The following ADAMTS19 variants were observed in gnomAD, a reference collection of about 807,000 sequenced individuals.
The protein encoded by ADAMTS19 is A disintegrin and metalloproteinase with thrombospondin motifs 19.
A neutral mutation model predicts 153.3 loss-of-function variants in ADAMTS19; 93 were observed. That is an observed-to-expected ratio of 0.61 (90% confidence interval 0.51 to 0.72). The LOEUF (loss-of-function observed/expected upper bound fraction) is 0.72. Among genes scored for constraint, ADAMTS19 ranks in the 30% least tolerant of loss-of-function variants. The pLI is 0.00. For synonymous variants in ADAMTS19, 600 were observed against 556.6 expected (o/e 1.08, Z -1.10); for missense variants, 1,482 against 1,552.1 (o/e 0.95, Z 0.76).
intron 2 of ADAMTS19, among the ~76,000 whole-genome samples, chr5:129,475,919 A>G (rs951510999): frequency 4.6e-5 from 7 of 152,226 alleles, no homozygotes; most frequent in Non-Finnish European, 1.0e-4. Context: ...CTTCAAAGAA[A>G]CTTCCTGGAC....
At chr5:129,530,395 C>G (rs1752157612) in intron 6 of ADAMTS19, among the ~76,000 whole-genome samples, 1 of 152,012 alleles carries the variant, frequency 6.6e-6, no homozygotes, top group African/African-American at 2.4e-5. Flanking sequence ...AAATATGGAC[C>G]TAGGCACATC....
At chr5:129,717,566 G>A in intron 21 of ADAMTS19, among the ~76,000 whole-genome samples, 1 of 152,088 alleles carries the variant, frequency 6.6e-6, no homozygotes, top group East Asian at 1.9e-4. Flanking sequence ...GAATACTTGA[G>A]ACCAAAAACA....
intron 2 of ADAMTS19, among the ~76,000 whole-genome samples, chr5:129,491,255 G>A (rs1251978121): frequency 6.6e-6 from 1 of 152,086 alleles, no homozygotes; most frequent in Non-Finnish European, 1.5e-5. Context: ...ACTCACCTCC[G>A]CATCCCAAAG....
At chr5:129,512,930 C>G (rs1052468480) in intron 3 of ADAMTS19, among the ~76,000 whole-genome samples, 1 of 151,942 alleles carries the variant, frequency 6.6e-6, no homozygotes, top group Non-Finnish European at 1.5e-5. Flanking sequence ...TCCTGTTCCA[C>G]CTACTTTCCC....
chr5:129,503,698 G>T (rs2126715008), intron 2 of ADAMTS19, among the ~76,000 whole-genome samples: 2 of 151,960 alleles, frequency 1.3e-5, no homozygotes, highest in Middle Eastern at 3.4e-3. Context: ...GGTGGTAGTG[G>T]GTGCCTGTGA....
In ADAMTS19 at chr5:129,737,939, T is replaced by C. The variant is rs1280726159; in HGVS notation, c.*721T>C. The C allele has an allele frequency of 6.6e-6, 1 of 152,522 alleles. No homozygotes were observed. Among genetic ancestry groups the C allele is most frequent in the Non-Finnish European group, 1.5e-5 (1 of 67,986 alleles). 9.4% of individuals were successfully genotyped at this position (152,522 alleles called of 1,614,324 possible). On this transcript the variant is annotated 3_prime_UTR_variant, in exon 23 of 23. Coordinates refer to ENST00000274487, the MANE Select transcript of ADAMTS19 (RefSeq NM_133638.6). ...CTGTTGATATAGTGTAGAGAAATCG[T>C]TAGAAATGGTGACATCTTACAAAAA...
At chr5:129,660,204 A>C (rs1753761098) in intron 15 of ADAMTS19, among the ~76,000 whole-genome samples, 1 of 152,218 alleles carries the variant, frequency 6.6e-6, no homozygotes, top group South Asian at 2.1e-4. Flanking sequence ...TAAATTGCAG[A>C]TCAAACTCTT....
chr5:129,540,397 A>C (rs1204440358), intron 6 of ADAMTS19, among the ~76,000 whole-genome samples: 1 of 152,078 alleles, frequency 6.6e-6, no homozygotes, highest in South Asian at 2.1e-4. Flanking sequence ...AACACAAAAC[A>C]TGTTCTCTTA....
At chr5:129,649,440 A>G (rs1486899382) in intron 13 of ADAMTS19, among the ~76,000 whole-genome samples, 4 of 152,242 alleles carry the variant, frequency 2.6e-5, no homozygotes, top group Non-Finnish European at 4.4e-5. Flanking sequence ...ATGCTGAGTG[A>G]AAAATGCCAA....
chr5:129,717,514 G>A (rs1252589392), intron 21 of ADAMTS19, among the ~76,000 whole-genome samples: 1 of 152,050 alleles, frequency 6.6e-6, no homozygotes, highest in Non-Finnish European at 1.5e-5. Context: ...CAAACTATTT[G>A]AAAATATGTT....
At chr5:129,702,932 AAAAAAAAAAATAT>A (rs1394957097) in intron 20 of ADAMTS19, among the ~76,000 whole-genome samples, 1 of 41,838 alleles carries the variant, frequency 2.4e-5, no homozygotes. Context: ...GACTTGCCAA[AAAAAAAAAAATAT>A]ATATATATAT....
At position 129,642,089 on chromosome 5, in the gene ADAMTS19, A is replaced by G. The variant is rs17163230; in HGVS notation, c.1872+129A>G. 0.012 allele frequency: 5,457 copies of G among 440,340 alleles called. 174 individuals are homozygous for G. Among genetic ancestry groups the G allele is most frequent in the African/African-American group, 0.081 (3,968 of 48,758 alleles). 27.3% of individuals were successfully genotyped at this position (440,340 alleles called of 1,614,324 possible). A position where few individuals can be genotyped will look rare whatever the true frequency, so the allele number is the denominator to read the frequency against. On this transcript the variant is annotated intron_variant, in intron 11 of 22. Transcript: ENST00000274487. Reference sequence around the variant, plus strand: ...GAATAATAACAGTATATACAAAAATATTAGTATTTCATCAGTTTTAACATT... The same window carrying G: ...GAATAATAACAGTATATACAAAAATGTTAGTATTTCATCAGTTTTAACATT...
intron 10 of ADAMTS19, among the ~76,000 whole-genome samples, chr5:129,640,399 C>T (rs1448828247): frequency 1.3e-5 from 2 of 152,080 alleles, no homozygotes; most frequent in African/African-American, 2.4e-5. Flanking sequence ...ATGTATGTTT[C>T]AAATAGGTCT....
chr5:129,714,623 C>T (rs985469584), intron 21 of ADAMTS19, among the ~76,000 whole-genome samples: 5 of 152,028 alleles, frequency 3.3e-5, no homozygotes, highest in Admixed American at 2.0e-4. Context: ...AGGGTGCAGA[C>T]GCTACGTAAC....
chr5:129,544,925 A>G (rs1361453990), intron 6 of ADAMTS19, among the ~76,000 whole-genome samples: 1 of 152,176 alleles, frequency 6.6e-6, no homozygotes, highest in African/African-American at 2.4e-5. Flanking sequence ...TCTGATTTCA[A>G]AATTGAAGCA....
intron 3 of ADAMTS19, among the ~76,000 whole-genome samples, chr5:129,515,005 A>G (rs1005271406): frequency 1.3e-5 from 2 of 152,048 alleles, no homozygotes; most frequent in Non-Finnish European, 2.9e-5. Context: ...TCTTTTGCAA[A>G]TGGATATTCA....
chr5:129,485,062 A>T (rs1335440807), intron 2 of ADAMTS19, among the ~76,000 whole-genome samples: 1 of 152,184 alleles, frequency 6.6e-6, no homozygotes, highest in Non-Finnish European at 1.5e-5. Context: ...TTTTATATCT[A>T]TTACACATGG....
intron 8 of ADAMTS19, among the ~76,000 whole-genome samples, chr5:129,609,129 A>G (rs987969223): frequency 6.6e-6 from 1 of 152,214 alleles, no homozygotes; most frequent in African/African-American, 2.4e-5. Context: ...TGTCACAGAT[A>G]TCTTCCTCTG....
At chr5:129,722,452 G>T (rs148271999) in intron 21 of ADAMTS19, among the ~76,000 whole-genome samples, 2,992 of 151,658 alleles carry the variant, frequency 0.02, 87 homozygotes, top group African/African-American at 0.066. Flanking sequence ...GGTTGTTTTT[G>T]TCTTCTAAAT....
Sources: gnomAD v4.1 joint callset for allele counts (sites outside exome capture counted in the v4.1 genomes callset) on GRCh38, gnomAD v4.1.1 for gene constraint, MANE v1.5 for transcripts, NCBI Gene and HGNC (gene_info 2026-07-23, HGNC 2026-07-21) for gene names.